Variants in HECW1 observed in about 807,000 individuals in gnomAD.
HECW1 encodes E3 ubiquitin-protein ligase HECW1.
A neutral mutation model predicts 182.3 loss-of-function variants in HECW1; 61 were observed. That is an observed-to-expected ratio of 0.33 (90% confidence interval 0.27 to 0.41). The LOEUF is 0.41. HECW1 is among the 10% of genes least tolerant of loss of function. The probability of loss-of-function intolerance (pLI) is 1.00; values close to 1 mark genes in which losing one functional copy is unlikely to be tolerated. For missense variants in HECW1, 1,739 were observed against 2,108.9 expected, an observed-to-expected ratio of 0.82 and a Z score of 3.44; for synonymous variants, 859 against 832.6, an observed-to-expected ratio of 1.03 and a Z score of -0.55.
chr7:43,235,119 A>G (rs1191930151), intron 2 of HECW1, among the ~76,000 whole-genome samples: 1 of 152,188 alleles, frequency 6.6e-6, no homozygotes, highest in Non-Finnish European at 1.5e-5. Flanking sequence ...CCAGGTCAGG[A>G]GAGCCTCCCC....
chr7:43,517,393 G>C (rs957216180), intron 24 of HECW1, among the ~76,000 whole-genome samples: 3 of 150,636 alleles, frequency 2.0e-5, no homozygotes, highest in Non-Finnish European at 4.4e-5. Context: ...ATACTACCTG[G>C]GTGGTAAAAA....
chr7:43,379,646 A>G (rs1273283383), intron 6 of HECW1, among the ~76,000 whole-genome samples: 1 of 152,096 alleles, frequency 6.6e-6, no homozygotes, highest in Non-Finnish European at 1.5e-5. Flanking sequence ...CCTTGAATAC[A>G]GCAAGATGGT....
chr7:43,496,928 A>T (rs1563056712), intron 19 of HECW1, among the ~76,000 whole-genome samples: 1 of 152,218 alleles, frequency 6.6e-6, no homozygotes, highest in African/African-American at 2.4e-5. Context: ...AGGGCTATGT[A>T]TGCAGTAGCA....
At chr7:43,348,879 G>T (rs1460082633) in intron 5 of HECW1, among the ~76,000 whole-genome samples, 1 of 152,160 alleles carries the variant, frequency 6.6e-6, no homozygotes, top group African/African-American at 2.4e-5. Context: ...GAGAGTGCTT[G>T]ATATAATTTC....
chr7:43,313,754 T>A (rs1808836103), intron 4 of HECW1, among the ~76,000 whole-genome samples: 1 of 152,212 alleles, frequency 6.6e-6, no homozygotes, highest in African/African-American at 2.4e-5. Flanking sequence ...AAGCCTCCAA[T>A]TTGGCAGCCT....
intron 24 of HECW1, among the ~76,000 whole-genome samples, chr7:43,530,504 T>TATGGATGG (rs71011921): frequency 0.16 from 23,680 of 150,468 alleles, 2,427 homozygotes; most frequent in Non-Finnish European, 0.23. Flanking sequence ...CCATATCTTT[T>TATGGATGG]ATGGATGGAT....
In HECW1 at chr7:43,230,874, A is replaced by G. The variant is rs1384345784; in HGVS notation, c.-31-13001A>G. On this transcript the variant is annotated intron_variant, in intron 2 of 29. Coordinates refer to ENST00000395891, the MANE Select transcript of HECW1 (RefSeq NM_015052.5). The stretch of plus-strand genomic sequence containing the variant: ...ACAACTTCTCTGTAAGTCTGAAAGT[A>G]TGCCAAGATTTAAAAAAAATAAATT... Among the ~76,000 whole-genome samples, 6 of 149,446 alleles carry G rather than the reference A, an allele frequency of 4.0e-5. No homozygotes were observed. The South Asian group carries it at 6.3e-4, about 16-fold the overall frequency.
intron 6 of HECW1, 163 bp from the exon 7 acceptor site, chr7:43,396,651 T>G (rs1218614666): frequency 3.5e-6 from 2 of 564,596 alleles, no homozygotes; most frequent in Non-Finnish European, 6.4e-6. Context: ...GGAAAAACAT[T>G]AGGTTGCTAG....
At position 43,450,900 on chromosome 7, in the gene HECW1, A is replaced by G. The variant is rs2077213245; in HGVS notation, c.2471A>G (p.Tyr824Cys). ...LPSLRPEHHH[Y>C]PTIDEPLPPN... is the part of the protein sequence containing the mutation. ...TCCCTGAGGCCTGAACATCATCACTACCCAACAATCGATGAGCCTCTTCCA... is the reference window on the plus strand; with the variant it reads ...TCCCTGAGGCCTGAACATCATCACTGCCCAACAATCGATGAGCCTCTTCCA... Residue 824 changes from tyrosine to cysteine, a missense_variant, in exon 12 of 30, where the codon TAC becomes TGC. Tyr to Cys is a radical substitution (Grantham distance 194). Around this residue, in one of 5 missense-constraint regions of HECW1, gnomAD observed 971 missense variants for 1,029.1 expected, o/e 0.94. Coordinates refer to ENST00000395891, the MANE Select transcript of HECW1 (RefSeq NM_015052.5). 1.2e-6 allele frequency: 2 copies of G among 1,612,654 alleles called. No homozygotes were observed. The highest frequency in any genetic ancestry group is 1.7e-6 in the Non-Finnish European group (2 of 1,178,822).
At chr7:43,247,773 AAGAG>A (rs372609976) in intron 3 of HECW1, among the ~76,000 whole-genome samples, 1,409 of 126,262 alleles carry the variant, frequency 0.011, 61 homozygotes, top group African/African-American at 0.047. Context: ...GAGAGGAAAA[AAGAG>A]AGAGAAAAAA....
Position 43,444,440 on chromosome 7 carries a change from C to G in HECW1, c.1268C>G (p.Thr423Arg), listed in dbSNP as rs757691980. 6.2e-7 allele frequency: 1 copy of G among 1,613,832 alleles called. No homozygotes were observed. The highest frequency in any genetic ancestry group is 1.1e-5 in the South Asian group (1 of 91,050). ...CCAGCTGAGGAAGCAGCAGTCATCA[C>G]GGAGGCAGGAGACCAGGGCATGGTC... ...SRPAEEAAVI[T>R]EAGDQGMVSV... The change falls in exon 11 of 30, where the codon ACG (threonine) becomes AGG (arginine). Residue 423 changes from threonine to arginine, a missense_variant. Thr to Arg is a moderately conservative substitution (Grantham distance 71). Transcript: ENST00000395891. This position sits in a 1 kb window ranked among gnomAD's most constrained non-coding sequence, Gnocchi z 4.3.
chr7:43,456,224 G>A, intron 12 of HECW1, 73 bp from the exon 13 acceptor site: 1 of 1,473,340 alleles, frequency 6.8e-7, no homozygotes, highest in Non-Finnish European at 9.3e-7. Flanking sequence ...AGAAGACTTG[G>A]AAGTTGTATG....
intron 2 of HECW1, among the ~76,000 whole-genome samples, chr7:43,156,009 A>G (rs1249133462): frequency 6.6e-6 from 1 of 152,246 alleles, no homozygotes; most frequent in Non-Finnish European, 1.5e-5. Flanking sequence ...GTCCAGTGAC[A>G]GTAATAAAGG....
intron 27 of HECW1, 77 bp downstream of exon 27, chr7:43,550,668 G>C: frequency 7.0e-7 from 1 of 1,424,126 alleles, no homozygotes; most frequent in Non-Finnish European, 9.6e-7. Flanking sequence ...CAGGCTCCCT[G>C]AGGGAGCAGC....
intron 2 of HECW1, among the ~76,000 whole-genome samples, chr7:43,238,482 C>T (rs1316914690): frequency 6.6e-6 from 1 of 152,122 alleles, no homozygotes; most frequent in Non-Finnish European, 1.5e-5. Context: ...TAGAACTGTT[C>T]CTCTAGGGAC....
intron 22 of HECW1, 101 bp downstream of exon 22, chr7:43,507,358 G>C: frequency 1.7e-6 from 2 of 1,168,344 alleles, no homozygotes; most frequent in South Asian, 3.2e-5. Flanking sequence ...GGCTACTCTG[G>C]TGTGGTAGTG....
At chr7:43,489,333 T>A (rs528812413) in intron 17 of HECW1, among the ~76,000 whole-genome samples, 1 of 152,230 alleles carries the variant, frequency 6.6e-6, no homozygotes, top group African/African-American at 2.4e-5. Context: ...AAGAGACTTA[T>A]AATTTCAATC....
At position 43,283,114 on chromosome 7, in the gene HECW1, G is replaced by C. The variant is rs577679516; in HGVS notation, c.28-28649G>C. On this transcript the variant is annotated intron_variant, in intron 3 of 29. Transcript: ENST00000395891. ...CACTCCAACCTGGGTGATAGAGTAA[G>C]ACTATCTCCAAAAAAAAAAAGAAAG... Among the ~76,000 whole-genome samples, 32 of 150,258 alleles carry C rather than the reference G, an allele frequency of 2.1e-4. No individual in the cohort carries two copies. In the South Asian group the frequency reaches 6.1e-3, roughly 29 times the overall value.
At chr7:43,469,594 G>T (rs1359829728) in intron 16 of HECW1, among the ~76,000 whole-genome samples, 1 of 152,142 alleles carries the variant, frequency 6.6e-6, no homozygotes, top group Non-Finnish European at 1.5e-5. Flanking sequence ...AGCAGGGTGG[G>T]GTGTGCTAGG....
Sources: allele counts gnomAD v4.1 joint callset (sites outside exome capture counted in the v4.1 genomes callset), GRCh38; gene constraint gnomAD v4.1.1; regional missense constraint gnomAD v4.1.1; non-coding constraint Gnocchi (gnomAD v3.1); transcripts MANE v1.5; gene names NCBI Gene and HGNC (gene_info 2026-07-23, HGNC 2026-07-21).